The following RYR2 variants were observed in gnomAD, a reference collection of about 807,000 sequenced individuals.
RYR2 encodes cardiac muscle ryanodine receptor-calcium release channel.
Under a neutral mutation model 601.1 loss-of-function variants are expected in RYR2, and 227 were observed. That is an observed-to-expected ratio of 0.38 (90% CI 0.34 to 0.42). RYR2 has a LOEUF of 0.42. Ranked by LOEUF, RYR2 falls within the 10% of genes least tolerant of loss-of-function variation. The probability of loss-of-function intolerance (pLI) is 1.00; values close to 1 mark genes in which losing one functional copy is unlikely to be tolerated. For missense variants in RYR2, 4,646 were observed against 6,156.5 expected (o/e 0.75, Z 8.21); for synonymous variants, 2,223 against 2,175.1 (o/e 1.02, Z -0.61).
At chr1:237,373,192 A>G (rs1700774297) in intron 6 of RYR2, among the ~76,000 whole-genome samples, 1 of 152,190 alleles carries the variant, frequency 6.6e-6, no homozygotes. Context: ...ATCGTGGGCT[A>G]CCTGTCTTGA....
At chr1:237,086,577 G>A (rs1666358134) in intron 1 of RYR2, among the ~76,000 whole-genome samples, 1 of 152,082 alleles carries the variant, frequency 6.6e-6, no homozygotes, top group Admixed American at 6.5e-5. Flanking sequence ...GTTATGATGG[G>A]GAGGAAAGGA....
Position 237,590,690 on chromosome 1 carries a change from T to A in RYR2, c.3858T>A (p.Thr1286=). ...TIDSSPCLKV[T]QKSFGSQNSN... ...ACAGTTCCCCATGTTTAAAGGTCAC[T>A]CAGAAGTCTTTTGGTTCTCAGAACA... The change falls in exon 31 of 105, where the codon ACT becomes ACA. Residue 1286 remains threonine (T), a synonymous_variant. Coordinates refer to ENST00000366574, the MANE Select transcript of RYR2 (RefSeq NM_001035.3). 1 of 1,588,178 alleles carries A rather than the reference T, an allele frequency of 6.3e-7. No homozygotes were observed. The highest frequency in any genetic ancestry group is 2.2e-5 in the East Asian group (1 of 44,598).
At chr1:237,661,499 A>T (rs74980423) in intron 56 of RYR2, among the ~76,000 whole-genome samples, 1,870 of 152,270 alleles carry the variant, frequency 0.012, 45 homozygotes, top group African/African-American at 0.042. Flanking sequence ...GTATAATAAA[A>T]AATTTAAAAG....
At chr1:237,178,429 TGTGTGTG>T (rs1678314327) in intron 1 of RYR2, among the ~76,000 whole-genome samples, 1 of 133,996 alleles carries the variant, frequency 7.5e-6, no homozygotes, top group Non-Finnish European at 1.5e-5. Flanking sequence ...TGTGTGTGTG[TGTGTGTG>T]TGTGTGTGTG....
At chr1:237,679,604 A>G (rs1376206335) in intron 61 of RYR2, among the ~76,000 whole-genome samples, 1 of 152,198 alleles carries the variant, frequency 6.6e-6, no homozygotes, top group Non-Finnish European at 1.5e-5. Context: ...AAGGGCTATA[A>G]TGGGAAACAA....
intron 12 of RYR2, among the ~76,000 whole-genome samples, chr1:237,439,450 G>A (rs1158555864): frequency 1.3e-5 from 2 of 152,064 alleles, no homozygotes; most frequent in Non-Finnish European, 2.9e-5. Context: ...TTTAAGACTA[G>A]CCTCACCAAC....
intron 63 of RYR2, among the ~76,000 whole-genome samples, chr1:237,691,180 G>T (rs965030725): frequency 1.3e-5 from 2 of 152,094 alleles, no homozygotes; most frequent in African/African-American, 4.8e-5. Flanking sequence ...TTGGTTTAAA[G>T]ATTTTTTCAT....
At chr1:237,456,339 C>A (rs1363901269) in intron 15 of RYR2, among the ~76,000 whole-genome samples, 2 of 152,098 alleles carry the variant, frequency 1.3e-5, no homozygotes, top group East Asian at 3.8e-4. Flanking sequence ...GTATGAAGTA[C>A]ATATTTTTAG....
chr1:237,292,406 C>G (rs1692325549), intron 2 of RYR2, among the ~76,000 whole-genome samples: 1 of 152,162 alleles, frequency 6.6e-6, no homozygotes, highest in South Asian at 2.1e-4. Flanking sequence ...AGAAAGTACA[C>G]ATTAATGATA....
chr1:237,641,867 T>G (rs1425127643), intron 47 of RYR2, among the ~76,000 whole-genome samples: 1 of 152,254 alleles, frequency 6.6e-6, no homozygotes, highest in African/African-American at 2.4e-5. Flanking sequence ...TGAAACTTTT[T>G]GACCCAAATG....
chr1:237,420,338 A>G (rs1705429824), intron 11 of RYR2, among the ~76,000 whole-genome samples: 1 of 152,210 alleles, frequency 6.6e-6, no homozygotes, highest in Admixed American at 6.5e-5. Context: ...AAATAAACAA[A>G]ATTAAAGGGT....
chr1:237,577,838 T>C (rs1673437753), intron 29 of RYR2, among the ~76,000 whole-genome samples: 1 of 152,224 alleles, frequency 6.6e-6, no homozygotes, highest in African/African-American at 2.4e-5. Flanking sequence ...AGTCTTACTC[T>C]GTCACCCAGG....
At chr1:237,143,955 C>A (rs752104757) in intron 1 of RYR2, among the ~76,000 whole-genome samples, 4 of 151,918 alleles carry the variant, frequency 2.6e-5, no homozygotes, top group African/African-American at 9.7e-5. Context: ...ATAGTGAAAC[C>A]CCATTTCTAC....
chr1:237,375,199 G>A (rs930840823), intron 7 of RYR2, among the ~76,000 whole-genome samples: 4 of 152,126 alleles, frequency 2.6e-5, no homozygotes, highest in African/African-American at 9.7e-5. Context: ...AAAAATGAAA[G>A]TCTCCTTAAT....
intron 1 of RYR2, among the ~76,000 whole-genome samples, chr1:237,113,622 G>T (rs544231456): frequency 3.3e-5 from 5 of 152,152 alleles, no homozygotes; most frequent in Non-Finnish European, 5.9e-5. Context: ...CTGGCCCAGG[G>T]AGTGGGTACA....
At chr1:237,185,522 G>A (rs1679248799) in intron 1 of RYR2, among the ~76,000 whole-genome samples, 1 of 151,734 alleles carries the variant, frequency 6.6e-6, no homozygotes, top group Admixed American at 6.6e-5. Context: ...TAGATTGGCA[G>A]CCCTTGGATT....
At chr1:237,587,139 G>A (rs1028781485) in intron 29 of RYR2, among the ~76,000 whole-genome samples, 1 of 152,070 alleles carries the variant, frequency 6.6e-6, no homozygotes, top group African/African-American at 2.4e-5. Context: ...AGTAATTATC[G>A]AATAAGTAAA....
chr1:237,633,738 T>C, intron 43 of RYR2, 28 bp downstream of exon 43: 1 of 1,590,780 alleles, frequency 6.3e-7, no homozygotes, highest in South Asian at 1.1e-5. Flanking sequence ...ATTTCATCTT[T>C]AAGGTTGAAA....
intron 71 of RYR2, among the ~76,000 whole-genome samples, chr1:237,713,524 G>A (rs904695676): frequency 1.7e-4 from 26 of 152,204 alleles, no homozygotes; most frequent in African/African-American, 6.3e-4. Flanking sequence ...AGCCTCCCAA[G>A]TAGCTGGGAC....
Sources: allele counts gnomAD v4.1 joint callset (sites outside exome capture counted in the v4.1 genomes callset), GRCh38; gene constraint gnomAD v4.1.1; transcripts MANE v1.5; gene names NCBI Gene and HGNC (gene_info 2026-07-23, HGNC 2026-07-21).